The following STPG2 variants were observed in gnomAD, a reference collection of about 807,000 sequenced individuals.
STPG2 encodes the protein sperm-tail PG-rich repeat-containing protein 2.
In STPG2, 56 loss-of-function variants were observed where a neutral mutation model predicts 54.2. That is an observed-to-expected ratio of 1.03 (90% confidence interval 0.83 to 1.29). The LOEUF (loss-of-function observed/expected upper bound fraction) is 1.29. Among genes scored for constraint, STPG2 ranks in the 50% most tolerant of loss-of-function variants. The pLI is 0.00. For missense variants in STPG2, 596 were observed against 544.9 expected, an observed-to-expected ratio of 1.09 and a Z score of -0.93; for synonymous variants, 200 against 181.8, an observed-to-expected ratio of 1.10 and a Z score of -0.81.
intron 10 of STPG2, among the ~76,000 whole-genome samples, chr4:97,688,212 G>A (rs972306385): frequency 7.9e-5 from 12 of 152,016 alleles, no homozygotes; most frequent in South Asian, 4.2e-4. Context: ...TTATACATAG[G>A]TGGAATTATA....
At chr4:97,956,198 A>T (rs1670341903) in intron 7 of STPG2, among the ~76,000 whole-genome samples, 2 of 152,202 alleles carry the variant, frequency 1.3e-5, no homozygotes, top group South Asian at 4.1e-4. Flanking sequence ...TCTTATTGAG[A>T]AAGTGGTAAA....
At chr4:97,758,045 A>C (rs1481137424) in intron 9 of STPG2, among the ~76,000 whole-genome samples, 3 of 152,224 alleles carry the variant, frequency 2.0e-5, no homozygotes, top group Admixed American at 6.5e-5. Context: ...TGAAGGTGTT[A>C]GTCTAGGCTC....
intron 10 of STPG2, among the ~76,000 whole-genome samples, chr4:97,697,036 C>T (rs1277624815): frequency 6.6e-6 from 1 of 152,096 alleles, no homozygotes; most frequent in Non-Finnish European, 1.5e-5. Flanking sequence ...TGATTGGTCC[C>T]CTAAGGGAAT....
intron 8 of STPG2, among the ~76,000 whole-genome samples, chr4:97,900,100 G>C (rs1272912565): frequency 5.3e-5 from 8 of 152,030 alleles, no homozygotes; most frequent in Admixed American, 4.6e-4. Flanking sequence ...CCATTAAAAA[G>C]TTAGCAAAGG....
chr4:97,966,405 A>G (rs1194781516), intron 7 of STPG2, among the ~76,000 whole-genome samples: 1 of 152,224 alleles, frequency 6.6e-6, no homozygotes, highest in Non-Finnish European at 1.5e-5. Context: ...TGATTGTTGT[A>G]CCAGAAAGTG....
intron 10 of STPG2, among the ~76,000 whole-genome samples, chr4:97,560,815 A>C (rs1247923777): frequency 2.0e-5 from 3 of 152,138 alleles, no homozygotes; most frequent in Admixed American, 6.6e-5. Flanking sequence ...AATGAGTAAA[A>C]TTGAGGGGAG....
rs1553939674 is a variant in STPG2, at chr4:98,077,225, T to TTTTTTTTTG, written c.612+28727_612+28728insCAAAAAAAA. On this transcript the variant is annotated intron_variant, in intron 5 of 10. Coordinates refer to ENST00000295268, the MANE Select transcript of STPG2 (RefSeq NM_174952.3). The stretch of plus-strand genomic sequence containing the variant: ...AAAGTTCTTTTGCGTCCTCAATAGT[T>TTTTTTTTTG]TTGTTGTTGTTGTTGTTGTTGTTGT... Among the ~76,000 whole-genome samples the TTTTTTTTTG allele has an allele frequency of 1.1e-4, 17 of 148,570 alleles. 1 individual carries two copies. The highest frequency in any genetic ancestry group is 4.2e-4 in the African/African-American group (17 of 40,198).
chr4:97,977,429 A>G (rs1264117304), intron 6 of STPG2, among the ~76,000 whole-genome samples: 1 of 152,158 alleles, frequency 6.6e-6, no homozygotes, highest in African/African-American at 2.4e-5. Flanking sequence ...AGTCTGTGTT[A>G]CTTGAATAGC....
At chr4:97,723,885 T>C (rs577019119) in intron 9 of STPG2, among the ~76,000 whole-genome samples, 17 of 152,268 alleles carry the variant, frequency 1.1e-4, no homozygotes, top group Non-Finnish European at 2.4e-4. Context: ...GTTCCCATGA[T>C]CCAATCACCT....
chr4:97,683,437 C>G (rs989056362), intron 10 of STPG2, among the ~76,000 whole-genome samples: 1 of 151,786 alleles, frequency 6.6e-6, no homozygotes, highest in African/African-American at 2.4e-5. Context: ...GATAAGGACT[C>G]TGTCCCTAGT....
intron 10 of STPG2, among the ~76,000 whole-genome samples, chr4:97,656,275 GA>G (rs1722216646): frequency 6.6e-6 from 1 of 152,052 alleles, no homozygotes; most frequent in African/African-American, 2.4e-5. Context: ...TTGCCCAAGG[GA>G]AAATATTCAC....
intron 5 of STPG2, among the ~76,000 whole-genome samples, chr4:98,050,021 AAATAT>A (rs1274120671): frequency 1.3e-5 from 2 of 152,302 alleles, no homozygotes; most frequent in Admixed American, 6.5e-5. Context: ...TTATTTTGAT[AAATAT>A]AATATAATGA....
intron 10 of STPG2, among the ~76,000 whole-genome samples, chr4:97,652,845 C>T (rs1230363041): frequency 6.6e-6 from 1 of 151,972 alleles, no homozygotes; most frequent in Non-Finnish European, 1.5e-5. Flanking sequence ...ACTCAGTTTA[C>T]TAATGTTACT....
At chr4:97,610,011 A>T (rs1181095419) in intron 10 of STPG2, among the ~76,000 whole-genome samples, 1 of 152,050 alleles carries the variant, frequency 6.6e-6, no homozygotes, top group East Asian at 1.9e-4. Flanking sequence ...GACCATTTAC[A>T]GTTCACTAAG....
intron 7 of STPG2, among the ~76,000 whole-genome samples, chr4:97,957,750 T>C (rs1031192818): frequency 6.6e-6 from 1 of 152,112 alleles, no homozygotes; most frequent in Admixed American, 6.6e-5. Flanking sequence ...CTAGAAGAGA[T>C]TGGGGCCTTA....
intron 8 of STPG2, among the ~76,000 whole-genome samples, chr4:97,878,765 T>G (rs990391174): frequency 6.6e-6 from 1 of 152,202 alleles, no homozygotes; most frequent in African/African-American, 2.4e-5. Context: ...GTCTGGGGGA[T>G]TAACATTTGG....
intron 4 of STPG2, among the ~76,000 whole-genome samples, chr4:97,530,735 G>A (rs996600364): frequency 6.6e-6 from 1 of 152,144 alleles, no homozygotes; most frequent in Non-Finnish European, 1.5e-5. Context: ...TTTGAAACAG[G>A]TATTGAGAAG....
intron 9 of STPG2, among the ~76,000 whole-genome samples, chr4:97,732,442 G>T (rs376552115): frequency 7.2e-5 from 11 of 152,148 alleles, no homozygotes; most frequent in African/African-American, 2.7e-4. Flanking sequence ...ATTAAATAGG[G>T]TGTCCATTCC....
intron 10 of STPG2, among the ~76,000 whole-genome samples, chr4:97,711,675 T>C (rs1578499501): frequency 6.7e-6 from 1 of 149,780 alleles, no homozygotes; most frequent in South Asian, 2.1e-4. Context: ...CTTACTTTTT[T>C]TTTTTTTTTT....
Sources: allele counts gnomAD v4.1 joint callset (sites outside exome capture counted in the v4.1 genomes callset), GRCh38; gene constraint gnomAD v4.1.1; transcripts MANE v1.5; gene names NCBI Gene and HGNC (gene_info 2026-07-23, HGNC 2026-07-21).